Variants in CEP170B observed in about 807,000 individuals in gnomAD.
The protein encoded by CEP170B is centrosomal protein of 170 kDa protein B.
Under a neutral mutation model 120.6 loss-of-function variants are expected in CEP170B, and 55 were observed. The ratio of observed to expected loss-of-function variants is 0.46; its 90% CI spans 0.37 to 0.57. CEP170B has a LOEUF of 0.57. Among genes scored for constraint, CEP170B ranks in the 20% least tolerant of loss-of-function variants. The probability of loss-of-function intolerance (pLI) is 0.00; values close to 1 mark genes in which losing one functional copy is unlikely to be tolerated. For synonymous variants in CEP170B, 1,033 were observed against 954.5 expected (o/e 1.08, Z -1.52); for missense variants, 2,212 against 2,253.3 (o/e 0.98, Z 0.37).
At chr14:104,894,414 C>T (rs754323640) in intron 17 of CEP170B, 36 bp downstream of exon 17, 1 of 1,607,472 alleles carries the variant, frequency 6.2e-7, no homozygotes, top group Non-Finnish European at 8.5e-7. Flanking sequence ...TGGCCTGCCC[C>T]CAGCCAGCCT....
rs1895409279 is a variant in CEP170B at position 104,870,272 on chromosome 14, T to A, written c.105+1717T>A. Among the ~76,000 whole-genome samples the A allele has an allele frequency of 6.6e-6, 1 of 152,236 alleles. No individual in the cohort carries two copies. Among genetic ancestry groups the A allele is most frequent in the African/African-American group, 2.4e-5 (1 of 41,474 alleles). Reference sequence around the variant, plus strand: ...TGGATGTTGAAGTATCAATTTCCCATAATTTTCATGTGTCATGAAATAGCC... The same window carrying A: ...TGGATGTTGAAGTATCAATTTCCCAAAATTTTCATGTGTCATGAAATAGCC... On this transcript the variant is annotated intron_variant, in intron 2 of 18. Transcript: ENST00000414716. This position sits in a 1 kb window ranked among gnomAD's most constrained non-coding sequence, Gnocchi z 4.1.
rs1279983469 is a variant in CEP170B, at chr14:104,889,745, G to A, written c.3865G>A (p.Ala1289Thr). Residue 1289 changes from alanine to threonine, a missense_variant, in exon 13 of 19, where the codon GCG becomes ACG. Transcript: ENST00000414716. The stretch of plus-strand genomic sequence containing the variant: ...TTTCATCGTGCAGACGGCAGAGATT[G>A]CGGAGATTGCCAGGTGAGTAGCCCA... ...YGFIVQTAEIAEIARLSQTLV... is the reference protein window; with the variant it reads ...YGFIVQTAEITEIARLSQTLV... The A allele has an allele frequency of 6.2e-7, 1 of 1,602,870 alleles. No individual in the cohort carries two copies. Among genetic ancestry groups the A allele is most frequent in the South Asian group, 1.1e-5 (1 of 90,734 alleles).
chr14:104,876,139 GC>G (rs770242314), intron 2 of CEP170B, 116 bp from the exon 3 acceptor site: 2 of 932,920 alleles, frequency 2.1e-6, no homozygotes, highest in Non-Finnish European at 3.3e-6. Context: ...GTGGTCAGAG[GC>G]CTGGGGGCCA....
intron 12 of CEP170B, among the ~76,000 whole-genome samples, chr14:104,888,864 C>T (rs769695210): frequency 6.6e-5 from 10 of 152,220 alleles, no homozygotes; most frequent in Non-Finnish European, 1.0e-4. Flanking sequence ...AGGGGTGGGG[C>T]GGGGCCGAGG....
chr14:104,873,037 T>C (rs1255164085), intron 2 of CEP170B, among the ~76,000 whole-genome samples: 3 of 151,864 alleles, frequency 2.0e-5, no homozygotes, highest in East Asian at 3.9e-4. Flanking sequence ...CCACTTCTCA[T>C]TGGTGGCTGG....
chr14:104,890,835 G>A (rs1896812810), intron 13 of CEP170B, among the ~76,000 whole-genome samples: 1 of 145,834 alleles, frequency 6.9e-6, no homozygotes, highest in South Asian at 2.3e-4. Context: ...ATGGATGGAT[G>A]GATGAATGGA....
In CEP170B at chr14:104,870,455, G is replaced by C. The variant is rs1895418139; in HGVS notation, c.105+1900G>C. On this transcript the variant is annotated intron_variant, in intron 2 of 18. Coordinates refer to ENST00000414716, the MANE Select transcript of CEP170B (RefSeq NM_001112726.3). This position sits in a 1 kb window ranked among gnomAD's most constrained non-coding sequence, Gnocchi z 4.1. ...GGTTGCTCCCATGGTCTGCGTACAG[G>C]GGTGGCATCAGTGATGGCCGCGCTG... Among the ~76,000 whole-genome samples, 1 of 152,220 alleles carries C rather than the reference G, an allele frequency of 6.6e-6. No homozygotes were observed. Among genetic ancestry groups the C allele is most frequent in the African/African-American group, 2.4e-5 (1 of 41,446 alleles).
At position 104,867,569 on chromosome 14, in the gene CEP170B, C is replaced by T. The variant is rs1054565581; in HGVS notation, c.-27-855C>T. On this transcript the variant is annotated intron_variant, in intron 1 of 18. Coordinates refer to ENST00000414716, the MANE Select transcript of CEP170B (RefSeq NM_001112726.3). The surrounding 1 kb of genome is among the most constrained non-coding windows in gnomAD (Gnocchi z 5.4). ...CCAGGACATGTGTGCTGGCATGCTC[C>T]GGGCTTGCAGGGTGCATGCTGGCTG... Among the ~76,000 whole-genome samples the T allele has an allele frequency of 2.6e-5, 4 of 152,112 alleles. No homozygotes were observed. Among genetic ancestry groups the T allele is most frequent in the Admixed American group, 6.5e-5 (1 of 15,280 alleles).
chr14:104,893,224 C>T (rs1896935003), intron 14 of CEP170B, 89 bp downstream of exon 14: 10 of 1,396,384 alleles, frequency 7.2e-6, no homozygotes, highest in Non-Finnish European at 9.6e-6. Flanking sequence ...CATGCCTCGG[C>T]TGAGGCCCTG....
chr14:104,879,967 T>C (rs2140672073), intron 5 of CEP170B, among the ~76,000 whole-genome samples: 1 of 152,014 alleles, frequency 6.6e-6, no homozygotes, highest in South Asian at 2.1e-4. Context: ...GGGAGTCAGG[T>C]TCTGTCTGAT....
In CEP170B at chr14:104,893,522, G is replaced by A. The variant is rs2140757862; in HGVS notation, c.4039-1G>A. The A allele has an allele frequency of 1.2e-6, 2 of 1,602,070 alleles. No individual in the cohort carries two copies. The highest frequency in any genetic ancestry group is 1.7e-6 in the Non-Finnish European group (2 of 1,175,996). The stretch of plus-strand genomic sequence containing the variant: ...CACGGTGCCGGCCCTCCCTCTTGCA[G>A]CTGGTGCAGCGCATCCCCGAGGCCA... On this transcript the variant is annotated splice_acceptor_variant, in intron 14 of 18. Coordinates refer to ENST00000414716, the MANE Select transcript of CEP170B (RefSeq NM_001112726.3). LOFTEE classifies it high-confidence loss of function.
Position 104,892,938 on chromosome 14 carries a change from C to T in CEP170B, c.3879-38C>T, listed in dbSNP as rs746500367. On this transcript the variant is annotated intron_variant, in intron 13 of 18. Coordinates refer to ENST00000414716, the MANE Select transcript of CEP170B (RefSeq NM_001112726.3). The stretch of plus-strand genomic sequence containing the variant: ...GTCTGGCCCCTGCTGCCCCGACTTC[C>T]TCTGTGCAGAACCTGCCGTCTTTCC... The T allele has an allele frequency of 5.8e-6, 9 of 1,549,760 alleles. No homozygotes were observed. The Admixed American group carries it at 1.8e-4, about 30-fold the overall frequency.
chr14:104,884,306 G>A lies in CEP170B; in HGVS notation c.1527G>A (p.Arg509=), dbSNP rs1266801522. The change falls in exon 9 of 19, where the codon CGG becomes CGA. Residue 509 remains arginine, a synonymous_variant. Coordinates refer to ENST00000414716, the MANE Select transcript of CEP170B (RefSeq NM_001112726.3). ...LAQDFMAQCL[R]ESSPAARPSP... ...AGGACTTCATGGCCCAGTGTCTGCG[G>A]GAGAGCTCCCCGGCCGCCCGGCCCA... The A allele has an allele frequency of 1.9e-6, 3 of 1,543,764 alleles. No homozygotes were observed. Among genetic ancestry groups the A allele is most frequent in the Non-Finnish European group, 2.6e-6 (3 of 1,145,012 alleles).
intron 1 of CEP170B, among the ~76,000 whole-genome samples, chr14:104,866,338 C>T (rs56039943): frequency 0.047 from 7,148 of 152,230 alleles, 581 homozygotes; most frequent in African/African-American, 0.16. Flanking sequence ...GAGGGTGAGG[C>T]CTAGGAGGGC....
chr14:104,876,164 G>C, intron 2 of CEP170B, 92 bp from the exon 3 acceptor site: 2 of 1,189,638 alleles, frequency 1.7e-6, no homozygotes, highest in African/African-American at 1.5e-5. Context: ...CTGGTGTTGT[G>C]CTGGGGCAGG....
intron 1 of CEP170B, among the ~76,000 whole-genome samples, chr14:104,866,450 C>T (rs1421977757): frequency 6.6e-6 from 1 of 152,136 alleles, no homozygotes; most frequent in African/African-American, 2.4e-5. Context: ...GTAGAGGCCT[C>T]CTGGAGGCTT....
At position 104,887,779 on chromosome 14, in the gene CEP170B, C is replaced by A; in HGVS notation, c.3540C>A (p.Phe1180Leu). 1 of 1,584,710 alleles carries A rather than the reference C, an allele frequency of 6.3e-7. No individual in the cohort carries two copies. Among genetic ancestry groups the A allele is most frequent in the South Asian group, 1.1e-5 (1 of 87,312 alleles). The change falls in exon 12 of 19, where the codon TTC becomes TTA. Residue 1180 changes from phenylalanine (F) to leucine (L), a missense_variant. Physicochemically the swap from Phe to Leu is conservative, Grantham distance 22 (BLOSUM62 0). Coordinates refer to ENST00000414716, the MANE Select transcript of CEP170B (RefSeq NM_001112726.3). ...TGCCCCGGAAGCGGGCCGGCTCCTT[C>A]ACAGGGACTAGTGACCCCGAGGCAG... ...LAMPRKRAGS[F>L]TGTSDPEAAP...
Position 104,883,943 on chromosome 14 carries a change from G to T in CEP170B, c.1164G>T (p.Arg388Ser), listed in dbSNP as rs761789103. Reference sequence around the variant, plus strand: ...GCGGGGAGCAGGTGCGGCTGCAGAGGCAGATCAAGCGGGACCCCCAGGAGC... The same window carrying T: ...GCGGGGAGCAGGTGCGGCTGCAGAGTCAGATCAAGCGGGACCCCCAGGAGC... The part of the protein sequence containing the change: ...EASGEQVRLQ[R>S]QIKRDPQELL... Residue 388 changes from arginine (R) to serine (S), a missense_variant, in exon 9 of 19, where the codon AGG (arginine) becomes AGT (serine). Transcript: ENST00000414716. The T allele has an allele frequency of 6.2e-7, 1 of 1,605,260 alleles. No homozygotes were observed. Among genetic ancestry groups the T allele is most frequent in the Non-Finnish European group, 8.5e-7 (1 of 1,176,342 alleles).
rs377217957 is a variant in CEP170B at position 104,880,434 on chromosome 14, A to T, written c.472+9A>T. The T allele has an allele frequency of 5.6e-6, 9 of 1,610,818 alleles. No homozygotes were observed. ...CCGGAGACCAGGAACAGGTAGGCCCAGGCAGTGCGGATGGGGTGAGCACAC... is the reference window on the plus strand; with the variant it reads ...CCGGAGACCAGGAACAGGTAGGCCCTGGCAGTGCGGATGGGGTGAGCACAC... On this transcript the variant is annotated intron_variant, in intron 6 of 18. Coordinates refer to ENST00000414716, the MANE Select transcript of CEP170B (RefSeq NM_001112726.3).
Sources: gnomAD v4.1 joint callset for allele counts (sites outside exome capture counted in the v4.1 genomes callset) on GRCh38, gnomAD v4.1.1 for gene constraint, Gnocchi (gnomAD v3.1) non-coding constraint, MANE v1.5 for transcripts, NCBI Gene and HGNC (gene_info 2026-07-23, HGNC 2026-07-21) for gene names.